The following NRXN3 variants were observed in gnomAD, a reference collection of about 807,000 sequenced individuals.
NRXN3 encodes the protein neurexin III.
In NRXN3, 32 loss-of-function variants were observed where a neutral mutation model predicts 137.6. The ratio of observed to expected loss-of-function variants is 0.23; its 90% confidence interval spans 0.18 to 0.31. The LOEUF (loss-of-function observed/expected upper bound fraction) is 0.31, where lower values mean the gene tolerates loss of function less well. NRXN3 is among the 10% of genes least tolerant of loss of function. The pLI is 1.00. For missense variants in NRXN3, 1,574 were observed against 2,062.5 expected, an observed-to-expected ratio of 0.76 and a Z score of 4.59; for synonymous variants, 798 against 784.5, an observed-to-expected ratio of 1.02 and a Z score of -0.29.
At chr14:78,556,609 TC>T (rs929705025) in intron 4 of NRXN3, among the ~76,000 whole-genome samples, 1 of 152,198 alleles carries the variant, frequency 6.6e-6, no homozygotes, top group African/African-American at 2.4e-5. Flanking sequence ...TAAAATAACA[TC>T]ATTTCCATGC....
At chr14:79,618,384 A>G (rs1477623783) in intron 16 of NRXN3, among the ~76,000 whole-genome samples, 1 of 151,998 alleles carries the variant, frequency 6.6e-6, no homozygotes, top group African/African-American at 2.4e-5. Context: ...TTGTTGACAT[A>G]TTTATGTTCA....
chr14:79,135,597 A>C (rs770832965), intron 15 of NRXN3, among the ~76,000 whole-genome samples: 1 of 152,154 alleles, frequency 6.6e-6, no homozygotes, highest in Non-Finnish European at 1.5e-5. Flanking sequence ...AATCCACAGT[A>C]TCTCTCTCCC....
chr14:79,513,021 G>A (rs1273175767), intron 16 of NRXN3, among the ~76,000 whole-genome samples: 1 of 152,280 alleles, frequency 6.6e-6, no homozygotes, highest in South Asian at 2.1e-4. Context: ...TTATTAACAT[G>A]GAATGATGCC....
chr14:78,746,474 C>T (rs561200627), intron 8 of NRXN3, among the ~76,000 whole-genome samples: 3 of 152,298 alleles, frequency 2.0e-5, no homozygotes, highest in South Asian at 2.1e-4. Flanking sequence ...AACATCACTA[C>T]TCTGTGAGAT....
chr14:79,402,006 T>C (rs1194439083), intron 15 of NRXN3, among the ~76,000 whole-genome samples: 2 of 152,146 alleles, frequency 1.3e-5, no homozygotes, highest in African/African-American at 4.8e-5. Context: ...AGCTTCGAAT[T>C]CCCGGGTTTA....
chr14:79,038,125 T>C (rs2099619176), intron 15 of NRXN3, among the ~76,000 whole-genome samples: 1 of 152,136 alleles, frequency 6.6e-6, no homozygotes, highest in African/African-American at 2.4e-5. Context: ...AACTCAGACC[T>C]GTTCTTTCAC....
intron 20 of NRXN3, among the ~76,000 whole-genome samples, chr14:79,858,806 C>T (rs1448520759): frequency 2.0e-5 from 3 of 152,136 alleles, no homozygotes; most frequent in Non-Finnish European, 4.4e-5. Flanking sequence ...AAATCTACCA[C>T]TTGGGACCCC....
At chr14:79,629,251 G>T (rs139961329) in intron 16 of NRXN3, among the ~76,000 whole-genome samples, 3,685 of 152,048 alleles carry the variant, frequency 0.024, 65 homozygotes, top group Middle Eastern at 0.041. Flanking sequence ...GAGAAATGGA[G>T]ACCATATATA....
At chr14:79,191,559 G>T (rs1568554576) in intron 15 of NRXN3, among the ~76,000 whole-genome samples, 1 of 152,162 alleles carries the variant, frequency 6.6e-6, no homozygotes, top group Non-Finnish European at 1.5e-5. Flanking sequence ...AGAGAAAATA[G>T]AAAATATCCA....
At chr14:79,529,525 T>G (rs2097151324) in intron 16 of NRXN3, among the ~76,000 whole-genome samples, 1 of 152,306 alleles carries the variant, frequency 6.6e-6, no homozygotes, top group East Asian at 1.9e-4. Context: ...TCACCACATA[T>G]GTGAGAAAAG....
At chr14:79,059,243 C>A (rs1352791368) in intron 15 of NRXN3, among the ~76,000 whole-genome samples, 5 of 122,520 alleles carry the variant, frequency 4.1e-5, no homozygotes, top group African/African-American at 1.5e-4. Context: ...TGCCTTCAGG[C>A]CCTATTCTTT....
chr14:79,001,477 T>C (rs2099541246), intron 15 of NRXN3, among the ~76,000 whole-genome samples: 1 of 152,178 alleles, frequency 6.6e-6, no homozygotes, highest in Non-Finnish European at 1.5e-5. Flanking sequence ...TCTAATAAGG[T>C]CAGGTTTCTC....
intron 4 of NRXN3, among the ~76,000 whole-genome samples, chr14:78,324,748 T>C (rs987280620): frequency 6.6e-6 from 1 of 152,030 alleles, no homozygotes; most frequent in South Asian, 2.1e-4. Context: ...AGAAATGGCC[T>C]GAAATCTTGC....
intron 10 of NRXN3, among the ~76,000 whole-genome samples, chr14:78,859,657 T>G (rs2099067221): frequency 6.6e-6 from 1 of 152,166 alleles, no homozygotes; most frequent in African/African-American, 2.4e-5. Context: ...AAGAAAATCT[T>G]AAGCTTATTT....
intron 15 of NRXN3, among the ~76,000 whole-genome samples, chr14:79,297,617 G>C (rs2084402573): frequency 6.6e-6 from 1 of 152,088 alleles, no homozygotes; most frequent in Admixed American, 6.5e-5. Flanking sequence ...GAATTGGAAT[G>C]ACAAGAGACT....
At chr14:79,573,131 A>G (rs926738675) in intron 16 of NRXN3, 4 of 152,170 alleles carry the variant, frequency 2.6e-5, no homozygotes, top group Non-Finnish European at 4.4e-5. Flanking sequence ...CTTTTTAAAT[A>G]TATATTAGTT....
chr14:78,662,283 T>C (rs1187454405), intron 6 of NRXN3, among the ~76,000 whole-genome samples: 1 of 151,618 alleles, frequency 6.6e-6, no homozygotes, highest in Non-Finnish European at 1.5e-5. Context: ...CTAACAACGT[T>C]AAGAAGGCTT....
intron 15 of NRXN3, among the ~76,000 whole-genome samples, chr14:79,260,762 GA>G: frequency 6.6e-6 from 1 of 152,226 alleles, no homozygotes; most frequent in South Asian, 2.1e-4. Context: ...ATATTTTCCA[GA>G]GAAATGGTAT....
intron 10 of NRXN3, among the ~76,000 whole-genome samples, chr14:78,897,253 G>A (rs535868492): frequency 3.3e-5 from 5 of 151,936 alleles, no homozygotes; most frequent in Admixed American, 6.6e-5. Flanking sequence ...AAACAAAGAT[G>A]CTTATAGAGC....
Sources: gnomAD v4.1 joint callset for allele counts (sites outside exome capture counted in the v4.1 genomes callset) on GRCh38, gnomAD v4.1.1 for gene constraint, MANE v1.5 for transcripts, NCBI Gene and HGNC (gene_info 2026-07-23, HGNC 2026-07-21) for gene names.